PLXNA2: variants seen among roughly 807,000 people sequenced by gnomAD.
PLXNA2 encodes plexin-A2.
In PLXNA2, 91 loss-of-function variants were observed where a neutral mutation model predicts 193.5. That is an observed-to-expected ratio of 0.47 (90% CI 0.40 to 0.56). The LOEUF (loss-of-function observed/expected upper bound fraction) is 0.56, where lower values mean the gene tolerates loss of function less well. PLXNA2 is among the 20% of genes least tolerant of loss of function. The pLI, the probability that PLXNA2 is intolerant of heterozygous loss-of-function variation, is 0.00. For missense variants in PLXNA2, 1,995 were observed against 2,503.2 expected, an observed-to-expected ratio of 0.80 and a Z score of 4.33; for synonymous variants, 997 against 1,027.3, an observed-to-expected ratio of 0.97 and a Z score of 0.56.
chr1:208,193,349 C>T (rs145957346), intron 3 of PLXNA2, among the ~76,000 whole-genome samples: 30 of 152,304 alleles, frequency 2.0e-4, no homozygotes, highest in Admixed American at 1.7e-3. Context: ...TTTCCATACT[C>T]GTGTAATGCT....
chr1:208,054,507 C>T lies in PLXNA2; in HGVS notation c.2770G>A (p.Gly924Arg), dbSNP rs548975568. Residue 924 changes from glycine (G) to arginine (R), a missense_variant, in exon 14 of 32, where the codon GGA becomes AGA. By Grantham distance (125) the Gly-to-Arg change is moderately radical. Coordinates refer to ENST00000367033, the MANE Select transcript of PLXNA2 (RefSeq NM_025179.4). ...IVCEMGHALV[G>R]TTSGPVRLCI... ...AGGCGTACTGGCCCGGAGGTGGTTCCCACGAGGGCATGGCCCATCTCACAG... is the reference window on the plus strand; with the variant it reads ...AGGCGTACTGGCCCGGAGGTGGTTCTCACGAGGGCATGGCCCATCTCACAG... The T allele has an allele frequency of 2.5e-6, 4 of 1,614,206 alleles. No homozygotes were observed. The highest frequency in any genetic ancestry group is 1.6e-4 in the Middle Eastern group (1 of 6,062).
At chr1:208,050,932 C>A in intron 17 of PLXNA2, 77 bp downstream of exon 17, 1 of 1,070,348 alleles carries the variant, frequency 9.3e-7, no homozygotes, top group Non-Finnish European at 1.5e-6. Context: ...AGTGCCTAAC[C>A]CAGAGCTCAT....
chr1:208,060,059 T>G (rs987399422), intron 13 of PLXNA2, among the ~76,000 whole-genome samples: 1 of 152,164 alleles, frequency 6.6e-6, no homozygotes, highest in African/African-American at 2.4e-5. Flanking sequence ...CTTTCTCCTT[T>G]GGAGGGGTAG....
rs755647900 is a variant in PLXNA2, at chr1:208,042,374, G to C, written c.4018-8C>G. On this transcript the variant is annotated splice_polypyrimidine_tract_variant and splice_region_variant and intron_variant, in intron 21 of 31. Coordinates refer to ENST00000367033, the MANE Select transcript of PLXNA2 (RefSeq NM_025179.4). ...CTGCCCGTTTCCTTGTACCTGGGGT[G>C]GGGTGTGGTGGAGGCGACGCCCTCA... is the stretch of plus-strand genomic sequence containing the variant. 1.2e-6 allele frequency: 2 copies of C among 1,611,292 alleles called. No homozygotes were observed. Among genetic ancestry groups the C allele is most frequent in the African/African-American group, 1.3e-5 (1 of 74,880 alleles).
intron 1 of PLXNA2, among the ~76,000 whole-genome samples, chr1:208,228,827 C>T (rs1572056525): frequency 6.6e-6 from 1 of 152,158 alleles, no homozygotes; most frequent in East Asian, 1.9e-4. Context: ...CATACCCAGC[C>T]CATCCTTCAA....
chr1:208,121,648 T>C (rs1205016881), intron 4 of PLXNA2, among the ~76,000 whole-genome samples: 2 of 152,170 alleles, frequency 1.3e-5, no homozygotes, highest in Admixed American at 1.3e-4. Context: ...TCCCCAGTCA[T>C]GCAGAACTGT....
intron 1 of PLXNA2, among the ~76,000 whole-genome samples, chr1:208,223,753 G>A (rs79496871): frequency 0.057 from 8,709 of 152,240 alleles, 365 homozygotes; most frequent in East Asian, 0.14. Context: ...TCTTCCCAAA[G>A]AGTTAGAGCT....
chr1:208,078,315 G>A (rs1342882012), intron 12 of PLXNA2, among the ~76,000 whole-genome samples: 2 of 152,120 alleles, frequency 1.3e-5, no homozygotes, highest in African/African-American at 4.8e-5. Flanking sequence ...AACTGATCTG[G>A]GGTTTTGATA....
intron 10 of PLXNA2, among the ~76,000 whole-genome samples, chr1:208,083,656 C>T (rs770460160): frequency 3.3e-5 from 5 of 152,128 alleles, no homozygotes; most frequent in Non-Finnish European, 2.9e-5. Context: ...TCCTCCCCTC[C>T]CTCATCTCCA....
chr1:208,092,774 A>G lies in PLXNA2; in HGVS notation c.2097+12T>C. ...CTGGGAACACTGCCATGTTAGGGTAAGCCCTTCTTACCTCTGAAATATTGA... is the reference window on the plus strand; with the variant it reads ...CTGGGAACACTGCCATGTTAGGGTAGGCCCTTCTTACCTCTGAAATATTGA... On this transcript the variant is annotated intron_variant, in intron 9 of 31. Coordinates refer to ENST00000367033, the MANE Select transcript of PLXNA2 (RefSeq NM_025179.4). 6.3e-7 allele frequency: 1 copy of G among 1,587,800 alleles called. No individual in the cohort carries two copies. Among genetic ancestry groups the G allele is most frequent in the South Asian group, 1.1e-5 (1 of 90,058 alleles).
chr1:208,183,161 C>T (rs1223697448), intron 3 of PLXNA2, among the ~76,000 whole-genome samples: 1 of 152,134 alleles, frequency 6.6e-6, no homozygotes, highest in Non-Finnish European at 1.5e-5. Flanking sequence ...TGGGAGGAGG[C>T]ACATGTGTTG....
intron 3 of PLXNA2, among the ~76,000 whole-genome samples, chr1:208,181,130 C>T (rs943251885): frequency 3.9e-5 from 6 of 152,184 alleles, no homozygotes; most frequent in African/African-American, 1.4e-4. Flanking sequence ...GTGATAGGAA[C>T]ACACTGAGGG....
chr1:208,084,121 A>G (rs769024223), intron 10 of PLXNA2, among the ~76,000 whole-genome samples: 1 of 152,280 alleles, frequency 6.6e-6, no homozygotes, highest in African/African-American at 2.4e-5. Context: ...TTAAAATTTA[A>G]AAAATCAACT....
intron 3 of PLXNA2, among the ~76,000 whole-genome samples, chr1:208,203,518 A>C (rs1474915579): frequency 6.6e-6 from 1 of 152,218 alleles, no homozygotes; most frequent in Non-Finnish European, 1.5e-5. Context: ...ATTTCCACTC[A>C]GAGGAATGAG....
At chr1:208,089,329 G>A (rs528637443) in intron 9 of PLXNA2, among the ~76,000 whole-genome samples, 1 of 152,330 alleles carries the variant, frequency 6.6e-6, no homozygotes, top group African/African-American at 2.4e-5. Flanking sequence ...AAGTGTGGCT[G>A]TGACCATGGA....
At chr1:208,031,901 G>T (rs1410474735) in intron 28 of PLXNA2, 142 bp from the exon 29 acceptor site, 31 of 1,294,202 alleles carry the variant, frequency 2.4e-5, no homozygotes, top group Non-Finnish European at 3.2e-5. Context: ...GCGGGGTGGG[G>T]AAGGGTACTA....
chr1:208,028,244 A>G lies in PLXNA2; in HGVS notation c.5439-85T>C. On this transcript the variant is annotated intron_variant, in intron 30 of 31. Transcript: ENST00000367033. The surrounding 1 kb of genome is among the most constrained non-coding windows in gnomAD (Gnocchi z 4.2). ...CCCCGGGCCCAGGTCCTTCGAGGGC[A>G]CTGATGTACCCAGTTGCTCCTGCCT... is the stretch of plus-strand genomic sequence containing the variant. 1 of 1,316,562 alleles carries G rather than the reference A, an allele frequency of 7.6e-7. No homozygotes were observed. Among genetic ancestry groups the G allele is most frequent in the Non-Finnish European group, 1.0e-6 (1 of 957,820 alleles). 81.6% of individuals were successfully genotyped at this position (1,316,562 alleles called of 1,614,324 possible).
At chr1:208,055,489 C>A (rs549841769) in intron 13 of PLXNA2, among the ~76,000 whole-genome samples, 1 of 151,984 alleles carries the variant, frequency 6.6e-6, no homozygotes, top group Non-Finnish European at 1.5e-5. Flanking sequence ...TGGGAGAGGG[C>A]CCTGACAGCT....
At chr1:208,103,077 T>C (rs1667147502) in intron 5 of PLXNA2, 70 bp downstream of exon 5, 1 of 989,258 alleles carries the variant, frequency 1.0e-6, no homozygotes, top group Non-Finnish European at 1.6e-6. Context: ...AGTACTGTCA[T>C]ATCCCATCAT....
Sources: allele counts gnomAD v4.1 joint callset (sites outside exome capture counted in the v4.1 genomes callset), GRCh38; gene constraint gnomAD v4.1.1; non-coding constraint Gnocchi (gnomAD v3.1); transcripts MANE v1.5; gene names NCBI Gene and HGNC (gene_info 2026-07-23, HGNC 2026-07-21).